ARHGEF40: variants seen among roughly 807,000 people sequenced by gnomAD.
ARHGEF40 encodes Rho guanine nucleotide exchange factor (GEF) 40.
Under a neutral mutation model 165.9 loss-of-function variants are expected in ARHGEF40, and 98 were observed. That is an observed-to-expected ratio of 0.59 (90% confidence interval 0.50 to 0.70). The LOEUF (loss-of-function observed/expected upper bound fraction) is 0.70, where lower values mean the gene tolerates loss of function less well. ARHGEF40 is among the 30% of genes least tolerant of loss of function. ARHGEF40 has a pLI of 0.00. For missense variants in ARHGEF40, 1,815 were observed against 1,968.0 expected (o/e 0.92, Z 1.47); for synonymous variants, 792 against 814.3 (o/e 0.97, Z 0.47).
upstream of ARHGEF40, among the ~76,000 whole-genome samples, chr14:21,069,687 C>G (rs1254702955): frequency 1.3e-5 from 2 of 152,198 alleles, no homozygotes; most frequent in Non-Finnish European, 2.9e-5. Context: ...ATTCCAGGCC[C>G]GAGGAGATGG....
chr14:21,086,685 G>GT (rs200275005), intron 19 of ARHGEF40: 8,177 of 280,526 alleles, frequency 0.029, 129 homozygotes, highest in South Asian at 0.046. Flanking sequence ...AAATGTGAGG[G>GT]TTTGTTTTTT....
Position 21,073,263 on chromosome 14 carries a change from A to G in ARHGEF40, c.201+21A>G. On this transcript the variant is annotated intron_variant, in intron 2 of 23. Coordinates refer to ENST00000298694, the MANE Select transcript of ARHGEF40 (RefSeq NM_018071.5). The surrounding 1 kb of genome is among the most constrained non-coding windows in gnomAD (Gnocchi z 4.6). ...CCTGTGTGAGTGGCCGTGCATCACT[A>G]TTCTGCCTTCCCCAAGATCCACTGC... The G allele has an allele frequency of 6.3e-7, 1 of 1,578,008 alleles. No homozygotes were observed. Among genetic ancestry groups the G allele is most frequent in the East Asian group, 2.3e-5 (1 of 42,742 alleles).
rs1888296390 is a variant in ARHGEF40, at chr14:21,085,844, G to T, written c.4116G>T (p.Trp1372Cys). Residue 1372 changes from tryptophan to cysteine, a missense_variant, in exon 19 of 24, where the codon TGG becomes TGT. Trp to Cys is a radical substitution (Grantham distance 215, BLOSUM62 -2). Transcript: ENST00000298694. ...CAAGTTCTATTGCCCAGCTGCTGTGGAGACAGGCAGCCCACAACAAGGGTA... is the reference window on the plus strand; with the variant it reads ...CAAGTTCTATTGCCCAGCTGCTGTGTAGACAGGCAGCCCACAACAAGGGTA... ...KWTSSIAQLL[W>C]RQAAHNKELR... The T allele has an allele frequency of 1.9e-6, 3 of 1,614,042 alleles. No homozygotes were observed. Among genetic ancestry groups the T allele is most frequent in the Non-Finnish European group, 2.5e-6 (3 of 1,180,028 alleles).
intron 1 of ARHGEF40, among the ~76,000 whole-genome samples, chr14:21,071,855 C>T (rs1244170790): frequency 6.6e-6 from 1 of 152,190 alleles, no homozygotes; most frequent in Non-Finnish European, 1.5e-5. Flanking sequence ...ACCTTGGGGC[C>T]GGGTCTGCGC....
chr14:21,067,616 G>A (rs1886338045), upstream of ARHGEF40, among the ~76,000 whole-genome samples: 1 of 152,192 alleles, frequency 6.6e-6, no homozygotes, highest in African/African-American at 2.4e-5. Flanking sequence ...TTAAATGGGT[G>A]AAATATGGTA....
intron 5 of ARHGEF40, 75 bp from the exon 6 acceptor site, chr14:21,076,285 A>G: frequency 8.1e-7 from 1 of 1,230,810 alleles, no homozygotes; most frequent in South Asian, 1.3e-5. Flanking sequence ...CAGACCCCGT[A>G]TGTCTGCCTT....
chr14:21,075,285 A>G lies in ARHGEF40; in HGVS notation c.1451-47A>G, dbSNP rs1383489118. On this transcript the variant is annotated intron_variant, in intron 3 of 23. Transcript: ENST00000298694. The surrounding 1 kb of genome is among the most constrained non-coding windows in gnomAD (Gnocchi z 4.5). ...GGGTTAGGCTGGGAGCAGAACAACCAGAACCATCTTAACTTCAGTCCCATG... is the reference window on the plus strand; with the variant it reads ...GGGTTAGGCTGGGAGCAGAACAACCGGAACCATCTTAACTTCAGTCCCATG... The G allele has an allele frequency of 6.2e-7, 1 of 1,608,290 alleles. No homozygotes were observed. Among genetic ancestry groups the G allele is most frequent in the East Asian group, 2.2e-5 (1 of 44,852 alleles).
intron 22 of ARHGEF40, 65 bp from the exon 23 acceptor site, chr14:21,088,765 G>A: frequency 1.3e-6 from 2 of 1,520,880 alleles, no homozygotes; most frequent in Non-Finnish European, 1.8e-6. Context: ...GGGGAGGAAT[G>A]GAGGAAAAGA....
At chr14:21,085,334 A>G (rs1376331691) in intron 18 of ARHGEF40, among the ~76,000 whole-genome samples, 4 of 152,174 alleles carry the variant, frequency 2.6e-5, no homozygotes, top group East Asian at 3.9e-4. Context: ...ATAGCAACCT[A>G]TGGTCCTGGA....
In ARHGEF40 at chr14:21,070,945, G is replaced by T; in HGVS notation, c.3+546G>T. 7.6e-7 allele frequency: 1 copy of T among 1,313,166 alleles called. No individual in the cohort carries two copies. Among genetic ancestry groups the T allele is most frequent in the Non-Finnish European group, 1.1e-6 (1 of 947,852 alleles). 81.3% of individuals were successfully genotyped at this position (1,313,166 alleles called of 1,614,324 possible). ...GGCCGGGTCCCGGGGCATGGCCAAA[G>T]AGGGAAATTCCCGCAGAGAAAAAGA... On this transcript the variant is annotated intron_variant, in intron 1 of 23. Coordinates refer to ENST00000298694, the MANE Select transcript of ARHGEF40 (RefSeq NM_018071.5). This position sits in a 1 kb window ranked among gnomAD's most constrained non-coding sequence, Gnocchi z 4.7.
Position 21,075,797 on chromosome 14 carries a change from A to G in ARHGEF40, c.1739+32A>G, listed in dbSNP as rs989921275. The G allele has an allele frequency of 1.2e-6, 2 of 1,601,310 alleles. No homozygotes were observed. Among genetic ancestry groups the G allele is most frequent in the African/African-American group, 2.7e-5 (2 of 74,818 alleles). On this transcript the variant is annotated intron_variant, in intron 5 of 23. Coordinates refer to ENST00000298694, the MANE Select transcript of ARHGEF40 (RefSeq NM_018071.5). This position sits in a 1 kb window ranked among gnomAD's most constrained non-coding sequence, Gnocchi z 4.5. ...GAGGCCCAGTCCTGGCACCCTGGAC[A>G]CTAACCTCCTGATTCATGAGGACCC...
In ARHGEF40 at chr14:21,084,138, C is replaced by G. The variant is rs545179528; in HGVS notation, c.3789+88C>G. ...AGGTTGGTGACAGGAGAACCAGGCT[C>G]CAGGTCAGAGGGCTCCAGGCTCTAA... On this transcript the variant is annotated intron_variant, in intron 17 of 23. Coordinates refer to ENST00000298694, the MANE Select transcript of ARHGEF40 (RefSeq NM_018071.5). The G allele has an allele frequency of 4.3e-6, 6 of 1,389,298 alleles. No individual in the cohort carries two copies. In the East Asian group the frequency reaches 1.0e-4, roughly 23 times the overall value. 86.1% of individuals were successfully genotyped at this position (1,389,298 alleles called of 1,614,324 possible).
At chr14:21,079,056 G>A (rs759037404) in intron 11 of ARHGEF40, 46 bp downstream of exon 11, 1 of 1,584,442 alleles carries the variant, frequency 6.3e-7, no homozygotes, top group Non-Finnish European at 8.6e-7. Flanking sequence ...TGGGAGTGTG[G>A]CCTCCAGCAC....
Position 21,088,842 on chromosome 14 carries a change from G to A in ARHGEF40, c.4531G>A (p.Ala1511Thr). ...TCTCTCCCCCCAGAGTCATGCTCGAGCCCTGAGTGACCCCACCACGCCTCT... is the reference window on the plus strand; with the variant it reads ...TCTCTCCCCCCAGAGTCATGCTCGAACCCTGAGTGACCCCACCACGCCTCT... ...LGLSRQSHAR[A>T]LSDPTTPL is the part of the protein sequence containing the mutation. The change falls in exon 23 of 24, where the codon GCC (alanine) becomes ACC (threonine). Residue 1511 changes from alanine to threonine, a missense_variant. Coordinates refer to ENST00000298694, the MANE Select transcript of ARHGEF40 (RefSeq NM_018071.5). 6.2e-7 allele frequency: 1 copy of A among 1,613,314 alleles called. No homozygotes were observed. Among genetic ancestry groups the A allele is most frequent in the Non-Finnish European group, 8.5e-7 (1 of 1,179,476 alleles).
Position 21,081,501 on chromosome 14 carries a change from C to T in ARHGEF40, c.2641-8C>T, listed in dbSNP as rs777263941. The T allele has an allele frequency of 3.1e-6, 5 of 1,612,620 alleles. No homozygotes were observed. In the South Asian group the frequency reaches 5.5e-5, roughly 18 times the overall value. On this transcript the variant is annotated splice_region_variant and splice_polypyrimidine_tract_variant and intron_variant, in intron 13 of 23. Coordinates refer to ENST00000298694, the MANE Select transcript of ARHGEF40 (RefSeq NM_018071.5). The stretch of plus-strand genomic sequence containing the variant: ...TCTCTCCCATCCCCAACCCCTTTGA[C>T]TTCGTAGGCACATGAATGGGTGGAT...
Position 21,076,360 on chromosome 14 carries a change from G to T in ARHGEF40, c.1740G>T (p.Arg580Ser). 1 of 1,613,104 alleles carries T rather than the reference G, an allele frequency of 6.2e-7. No homozygotes were observed. The highest frequency in any genetic ancestry group is 1.1e-5 in the South Asian group (1 of 91,080). The change falls in exon 6 of 24, where the codon AGG becomes AGT. Residue 580 changes from arginine (R) to serine (S), a missense_variant and splice_region_variant. Coordinates refer to ENST00000298694, the MANE Select transcript of ARHGEF40 (RefSeq NM_018071.5). ...TCCTTGGCTCTTCCTGCTCCCGCAG[G>T]CCTGATCTACAGACACTGGGGCTGT... ...TTLHYLHSLL[R>S]PDLQTLGLSV...
In ARHGEF40 at chr14:21,074,471, G is replaced by C; in HGVS notation, c.741G>C (p.Glu247Asp). The change falls in exon 3 of 24, where the codon GAG (glutamate) becomes GAC (aspartate). Residue 247 changes from glutamate (E) to aspartate (D), a missense_variant. Transcript: ENST00000298694. This position sits in a 1 kb window ranked among gnomAD's most constrained non-coding sequence, Gnocchi z 4.8. ...GPEGEYVELL[E>D]VTLPVRGSPT... ...AGGGCGAGTATGTGGAGCTGTTAGA[G>C]GTGACGCTGCCCGTGAGGGGGAGCC... The C allele has an allele frequency of 6.3e-7, 1 of 1,577,648 alleles. No homozygotes were observed. Among genetic ancestry groups the C allele is most frequent in the Non-Finnish European group, 8.6e-7 (1 of 1,161,608 alleles).
Position 21,075,421 on chromosome 14 carries a change from G to A in ARHGEF40, c.1540G>A (p.Glu514Lys). Residue 514 changes from glutamate to lysine, a missense_variant, in exon 4 of 24, where the codon GAG becomes AAG. By Grantham distance (56) the Glu-to-Lys change is moderately conservative. Transcript: ENST00000298694. The surrounding 1 kb of genome is among the most constrained non-coding windows in gnomAD (Gnocchi z 4.5). The part of the protein sequence containing the change: ...QEGKGDNIPE[E>K]ALAVSVSDHP... ...AGGAAAAGGGGACAACATTCCAGAAGAGGCCCTTGCAGTCTCCGTCTCTGA... is the reference window on the plus strand; with the variant it reads ...AGGAAAAGGGGACAACATTCCAGAAAAGGCCCTTGCAGTCTCCGTCTCTGA... The A allele has an allele frequency of 6.2e-7, 1 of 1,614,218 alleles. No homozygotes were observed. The highest frequency in any genetic ancestry group is 8.5e-7 in the Non-Finnish European group (1 of 1,180,038).
rs201733631 is a variant in ARHGEF40 at position 21,081,617 on chromosome 14, G to C, written c.2749G>C (p.Gly917Arg). 1 of 1,610,634 alleles carries C rather than the reference G, an allele frequency of 6.2e-7. No individual in the cohort carries two copies. ...GCGGCGGGCCCCAGAGCCCAGTGCC[G>C]GCACCTTCCAGGAGATGCGGGCCCT... ...ALRRAPEPSA[G>R]TFQEMRALAL... The change falls in exon 14 of 24, where the codon GGC (glycine) becomes CGC (arginine). Residue 917 changes from glycine to arginine, a missense_variant. Coordinates refer to ENST00000298694, the MANE Select transcript of ARHGEF40 (RefSeq NM_018071.5).
Sources: gnomAD v4.1 joint callset for allele counts (sites outside exome capture counted in the v4.1 genomes callset) on GRCh38, gnomAD v4.1.1 for gene constraint, Gnocchi (gnomAD v3.1) non-coding constraint, MANE v1.5 for transcripts, NCBI Gene and HGNC (gene_info 2026-07-23, HGNC 2026-07-21) for gene names.